Variants in PHYKPL observed in about 807,000 individuals in gnomAD.
The protein encoded by PHYKPL is 5-phosphonooxy-L-lysine phospho-lyase.
A neutral mutation model predicts 51.3 loss-of-function variants in PHYKPL; 42 were observed. That is an observed-to-expected ratio of 0.82 (90% CI 0.64 to 1.06). The LOEUF is 1.06. PHYKPL is among the 50% of genes least tolerant of loss of function. The pLI is 0.00. For synonymous variants in PHYKPL, 264 were observed against 236.0 expected, an observed-to-expected ratio of 1.12 and a Z score of -1.09; for missense variants, 655 against 586.6, an observed-to-expected ratio of 1.12 and a Z score of -1.20.
At chr5:178,228,632 T>C in intron 3 of PHYKPL, 1 of 702,456 alleles carries the variant, frequency 1.4e-6, no homozygotes, top group East Asian at 2.7e-5. Context: ...AGAAATTATC[T>C]GGGGGGCAGA....
At chr5:178,211,826 G>T in intron 12 of PHYKPL, 64 bp downstream of exon 12, 1 of 1,195,178 alleles carries the variant, frequency 8.4e-7, no homozygotes, top group South Asian at 1.3e-5. Flanking sequence ...TGCCGAGGCT[G>T]CTTGCTGCTG....
At chr5:178,210,739 C>T (rs1178178842) in intron 12 of PHYKPL, 1 of 785,436 alleles carries the variant, frequency 1.3e-6, no homozygotes, top group Non-Finnish European at 2.2e-6. Context: ...CCATGTGCAT[C>T]TTATTTAAAA....
chr5:178,231,161 A>G (rs573542247), intron 2 of PHYKPL, among the ~76,000 whole-genome samples: 35 of 152,292 alleles, frequency 2.3e-4, no homozygotes, highest in Middle Eastern at 6.8e-3. Context: ...TTGTGAGCTC[A>G]TCATCAGTCC....
chr5:178,210,334 T>C (rs1581183998), intron 12 of PHYKPL: 7 of 1,606,360 alleles, frequency 4.4e-6, no homozygotes, highest in Non-Finnish European at 5.1e-6. Context: ...GGCAGGACAG[T>C]GTAGGAGCCA....
intron 10 of PHYKPL, 64 bp from the exon 11 acceptor site, chr5:178,213,167 A>C: frequency 6.3e-7 from 1 of 1,590,804 alleles, no homozygotes; most frequent in Non-Finnish European, 8.6e-7. Context: ...CCTTGGCCTC[A>C]TGTCCAGTGC....
downstream of PHYKPL, chr5:178,207,338 A>T: frequency 7.8e-7 from 1 of 1,287,196 alleles, no homozygotes; most frequent in Non-Finnish European, 1.1e-6. Context: ...GTCAGACTTT[A>T]CTATTTCTCT....
chr5:178,214,700 T>C (rs2113746031), intron 10 of PHYKPL, 96 bp downstream of exon 10: 2 of 1,132,596 alleles, frequency 1.8e-6, no homozygotes, highest in Non-Finnish European at 2.6e-6. Context: ...CCCAGAGTGC[T>C]GGGGGTACAG....
intron 8 of PHYKPL, chr5:178,217,105 G>A (rs1759955663): frequency 6.6e-6 from 1 of 151,718 alleles, no homozygotes; most frequent in African/African-American, 2.4e-5. Context: ...AGCAAAGCAT[G>A]AAAATGATGT....
chr5:178,224,357 C>A, intron 6 of PHYKPL, 91 bp downstream of exon 6: 1 of 1,360,408 alleles, frequency 7.4e-7, no homozygotes, highest in African/African-American at 1.5e-5. Context: ...GTTTGGTTTT[C>A]TCTCTGGGTT....
intron 4 of PHYKPL, chr5:178,225,118 C>G: frequency 1.7e-6 from 1 of 587,180 alleles, no homozygotes; most frequent in Admixed American, 3.0e-5. Context: ...TGTGGGACCA[C>G]CTTTGAGTCT....
chr5:178,210,756 C>CCATGGAAATCA, intron 12 of PHYKPL: 1 of 712,898 alleles, frequency 1.4e-6, no homozygotes, highest in East Asian at 2.7e-5. Flanking sequence ...AAAATTTCCC[C>CCATGGAAATCA]CATGGAAATC....
In PHYKPL at chr5:178,210,386, C is replaced by A. The variant is rs922154375; in HGVS notation, c.*32-1471G>T. 6 of 1,573,352 alleles carry A rather than the reference C, an allele frequency of 3.8e-6. No individual in the cohort carries two copies. In the African/African-American group the frequency reaches 6.8e-5, roughly 18 times the overall value. On this transcript the variant is annotated intron_variant, in intron 12 of 12. Transcript: ENST00000308158. ...TGGAGTCAGACAGGCCTGGCTCAGCCATGGGAGCTACTTGATTTTGAGCCT... is the reference window on the plus strand; with the variant it reads ...TGGAGTCAGACAGGCCTGGCTCAGCAATGGGAGCTACTTGATTTTGAGCCT...
downstream of PHYKPL, chr5:178,207,171 A>C (rs1581159993): frequency 1.9e-6 from 3 of 1,614,212 alleles, no homozygotes; most frequent in Middle Eastern, 1.6e-4. Flanking sequence ...TTAAAGAAGA[A>C]GAACCCGTGA....
rs780723816 is a variant in PHYKPL, at chr5:178,210,245, T to C, written c.*32-1330A>G. ...CTACGACTACTCGCCCTATGGCTATTACGGCTACGGCCCCGGCTACGACTA... is the reference window on the plus strand; with the variant it reads ...CTACGACTACTCGCCCTATGGCTATCACGGCTACGGCCCCGGCTACGACTA... On this transcript the variant is annotated intron_variant, in intron 12 of 12. Coordinates refer to ENST00000308158, the MANE Select transcript of PHYKPL (RefSeq NM_153373.4). 6.2e-6 allele frequency: 10 copies of C among 1,613,746 alleles called. No homozygotes were observed. The highest frequency in any genetic ancestry group is 2.7e-5 in the African/African-American group (2 of 74,930).
At chr5:178,220,974 C>T (rs142761684) in intron 8 of PHYKPL, among the ~76,000 whole-genome samples, 38 of 152,108 alleles carry the variant, frequency 2.5e-4, no homozygotes, top group African/African-American at 8.7e-4. Context: ...GTGATGGTTA[C>T]CATGGTTATT....
chr5:178,221,130 A>G (rs1761098172), intron 8 of PHYKPL, among the ~76,000 whole-genome samples: 1 of 152,204 alleles, frequency 6.6e-6, no homozygotes, highest in South Asian at 2.1e-4. Context: ...GAATAACTAG[A>G]AGAGGGCTAT....
chr5:178,220,101 G>C (rs188852925), intron 8 of PHYKPL, among the ~76,000 whole-genome samples: 17 of 151,440 alleles, frequency 1.1e-4, no homozygotes, highest in Admixed American at 3.3e-4. Flanking sequence ...AGGCTGAAGT[G>C]GGGGGATCAC....
intron 2 of PHYKPL, 81 bp downstream of exon 2, chr5:178,231,324 G>A (rs1763355515): frequency 2.5e-6 from 4 of 1,604,524 alleles, no homozygotes; most frequent in Non-Finnish European, 3.4e-6. Flanking sequence ...CACACCTCTC[G>A]GCAATCTCAG....
chr5:178,209,504 A>G, intron 12 of PHYKPL: 1 of 1,476,386 alleles, frequency 6.8e-7, no homozygotes, highest in Non-Finnish European at 9.5e-7. Context: ...GGAGCCTTCC[A>G]AGCCTGTCTT....
Sources: allele counts gnomAD v4.1 joint callset (sites outside exome capture counted in the v4.1 genomes callset), GRCh38; gene constraint gnomAD v4.1.1; transcripts MANE v1.5; gene names NCBI Gene and HGNC (gene_info 2026-07-23, HGNC 2026-07-21).